DUSP12: variants seen among roughly 807,000 people sequenced by gnomAD.
DUSP12 encodes the protein dual specificity phosphatase 12.
Under a neutral mutation model 38.9 loss-of-function variants are expected in DUSP12, and 25 were observed. The observed-to-expected ratio is 0.64, with a 90% CI of 0.47 to 0.90. The LOEUF is 0.90. DUSP12 is among the 40% of genes least tolerant of loss of function. The pLI is 0.00. For missense variants in DUSP12, 403 were observed against 427.0 expected, an observed-to-expected ratio of 0.94 and a Z score of 0.50; for synonymous variants, 153 against 153.9, an observed-to-expected ratio of 0.99 and a Z score of 0.05.
chr1:161,752,324 G>C, intron 3 of DUSP12, 44 bp from the exon 4 acceptor site: 2 of 1,358,130 alleles, frequency 1.5e-6, no homozygotes, highest in Non-Finnish European at 2.1e-6. Flanking sequence ...TGAAAATGCA[G>C]AGTTGATTTT....
chr1:161,750,904 AACAGAGCG>A (rs1434676946), intron 1 of DUSP12, among the ~76,000 whole-genome samples: 1 of 152,046 alleles, frequency 6.6e-6, no homozygotes, highest in African/African-American at 2.4e-5. Context: ...CAGCCTGGGC[AACAGAGCG>A]AGACTCCATC....
intron 1 of DUSP12, among the ~76,000 whole-genome samples, chr1:161,750,556 TG>T (rs1684003019): frequency 2.6e-5 from 4 of 152,234 alleles, no homozygotes; most frequent in Admixed American, 2.6e-4. Flanking sequence ...TTGGGATGGG[TG>T]GCGGGTGGTT....
chr1:161,752,649 A>T (rs898847581), intron 4 of DUSP12, among the ~76,000 whole-genome samples, 185 bp downstream of exon 4: 1 of 152,182 alleles, frequency 6.6e-6, no homozygotes, highest in African/African-American at 2.4e-5. Context: ...GGTTATTGAA[A>T]ATTTAAGTAG....
rs1262749815 is a variant in DUSP12, at chr1:161,749,891, G to A, written c.90G>A (p.Val30=). The A allele has an allele frequency of 2.5e-6, 4 of 1,613,336 alleles. No individual in the cohort carries two copies. The highest frequency in any genetic ancestry group is 3.4e-6 in the Non-Finnish European group (4 of 1,179,694). Residue 30 remains valine (V), a synonymous_variant, in exon 1 of 6, where the codon GTG becomes GTA. Coordinates refer to ENST00000367943, the MANE Select transcript of DUSP12 (RefSeq NM_007240.3). ...GCTGTGCCGGGCAGATGCTGGAAGTGCAGCCAGGATTGTATTTCGGTGGGG... is the reference window on the plus strand; with the variant it reads ...GCTGTGCCGGGCAGATGCTGGAAGTACAGCCAGGATTGTATTTCGGTGGGG... The part of the protein sequence containing the change: ...RVSCAGQMLE[V]QPGLYFGGAA...
Position 161,757,106 on chromosome 1 carries a change from A to G in DUSP12, c.*159A>G, listed in dbSNP as rs897294303. 8.0e-6 allele frequency: 5 copies of G among 622,358 alleles called. No individual in the cohort carries two copies. Among genetic ancestry groups the G allele is most frequent in the Non-Finnish European group, 1.3e-5 (5 of 377,386 alleles). 38.6% of individuals were successfully genotyped at this position (622,358 alleles called of 1,614,324 possible). A position where few individuals can be genotyped will look rare whatever the true frequency, so the allele number is the denominator to read the frequency against. On this transcript the variant is annotated 3_prime_UTR_variant, in exon 6 of 6. Coordinates refer to ENST00000367943, the MANE Select transcript of DUSP12 (RefSeq NM_007240.3). ...CCTGGAAACTATGCTTTACATGGCA[A>G]TCAAAGCCTTTTGATCATGTACATT... is the stretch of plus-strand genomic sequence containing the variant.
chr1:161,749,993 C>T lies in DUSP12; in HGVS notation c.192C>T (p.Pro64=). Residue 64 remains proline, a synonymous_variant, in exon 1 of 6, where the codon CCC becomes CCT. Transcript: ENST00000367943. ...TGCTAACAGTGGACTCGGAGGAGCCCAGCTTCAAGGCGGGGCCTGGGGTCG... is the reference window on the plus strand; with the variant it reads ...TGCTAACAGTGGACTCGGAGGAGCCTAGCTTCAAGGCGGGGCCTGGGGTCG... ...TAVLTVDSEE[P]SFKAGPGVED... is the part of the protein sequence containing the mutation. 1 of 1,614,084 alleles carries T rather than the reference C, an allele frequency of 6.2e-7. No homozygotes were observed.
At chr1:161,750,969 T>A (rs561321460) in intron 1 of DUSP12, among the ~76,000 whole-genome samples, 1 of 152,252 alleles carries the variant, frequency 6.6e-6, no homozygotes, top group East Asian at 1.9e-4. Flanking sequence ...AGTTCTTGGT[T>A]GGATTGGAGT....
At chr1:161,752,526 G>A (rs924673240) in intron 4 of DUSP12, 62 bp downstream of exon 4, 3 of 1,113,372 alleles carry the variant, frequency 2.7e-6, no homozygotes, top group Admixed American at 4.5e-5. Context: ...AGTACTTAAT[G>A]TTTTATTTTC....
At chr1:161,750,808 C>T (rs1009761780) in intron 1 of DUSP12, among the ~76,000 whole-genome samples, 6 of 152,044 alleles carry the variant, frequency 3.9e-5, no homozygotes, top group African/African-American at 7.2e-5. Flanking sequence ...GCCTGTAGTC[C>T]CAGCTACTCG....
At chr1:161,756,483 CTATATATATATATATATATATATATATA>C (rs10527814) in intron 5 of DUSP12, among the ~76,000 whole-genome samples, 3 of 124,736 alleles carry the variant, frequency 2.4e-5, no homozygotes, top group Middle Eastern at 4.9e-3. Context: ...GATTTAAAAG[CTATATATATATATATATATATATATATA>C]TATATATATG....
Position 161,751,798 on chromosome 1 carries a change from T to C in DUSP12, c.458+17T>C, listed in dbSNP as rs1684023624. ...AGAGGCTAAGTGGGTTCTTTTTTTA[T>C]AGTAATAATTATGCTTTTGTGATAT... On this transcript the variant is annotated intron_variant, in intron 2 of 5. Coordinates refer to ENST00000367943, the MANE Select transcript of DUSP12 (RefSeq NM_007240.3). 2.5e-6 allele frequency: 4 copies of C among 1,600,952 alleles called. No individual in the cohort carries two copies. Among genetic ancestry groups the C allele is most frequent in the Non-Finnish European group, 3.4e-6 (4 of 1,176,150 alleles).
intron 5 of DUSP12, among the ~76,000 whole-genome samples, chr1:161,756,214 AC>A (rs1466842358): frequency 6.6e-6 from 1 of 152,174 alleles, no homozygotes; most frequent in Non-Finnish European, 1.5e-5. Context: ...AAAAACTCTT[AC>A]CTTATACCAT....
Position 161,752,422 on chromosome 1 carries a change from A to T in DUSP12, c.632A>T (p.Gln211Leu), listed in dbSNP as rs767681267. The T allele has an allele frequency of 5.6e-6, 9 of 1,612,934 alleles. No homozygotes were observed. The East Asian group carries it at 1.8e-4, about 32-fold the overall frequency. The change falls in exon 4 of 6, where the codon CAA becomes CTA. Residue 211 changes from glutamine to leucine, a missense_variant. Gln to Leu is a moderately radical substitution (Grantham distance 113). Coordinates refer to ENST00000367943, the MANE Select transcript of DUSP12 (RefSeq NM_007240.3). Reference sequence around the variant, plus strand: ...GCTGTTGACCCAACTACCGTTTCACAAGGATTGAAAGATGAGGTTCTCTAC... The same window carrying T: ...GCTGTTGACCCAACTACCGTTTCACTAGGATTGAAAGATGAGGTTCTCTAC... Reference protein sequence around the residue: ...LFAVDPTTVSQGLKDEVLYKC... With the variant: ...LFAVDPTTVSLGLKDEVLYKC...
intron 5 of DUSP12, among the ~76,000 whole-genome samples, chr1:161,755,462 T>C (rs1684094233): frequency 6.6e-6 from 1 of 152,202 alleles, no homozygotes; most frequent in South Asian, 2.1e-4. Context: ...TTTCAGTAAC[T>C]GAATGCATGT....
chr1:161,757,082 C>A lies in DUSP12; in HGVS notation c.*135C>A. The A allele has an allele frequency of 1.2e-6, 1 of 832,016 alleles. No individual in the cohort carries two copies. Among genetic ancestry groups the A allele is most frequent in the Non-Finnish European group, 1.8e-6 (1 of 553,908 alleles). 51.5% of individuals were successfully genotyped at this position (832,016 alleles called of 1,614,324 possible). A position where few individuals can be genotyped will look rare whatever the true frequency, so the allele number is the denominator to read the frequency against. The stretch of plus-strand genomic sequence containing the variant: ...AGAAGATAAAATCACTTGATGTAAC[C>A]TGGAAACTATGCTTTACATGGCAAT... On this transcript the variant is annotated 3_prime_UTR_variant, in exon 6 of 6. Coordinates refer to ENST00000367943, the MANE Select transcript of DUSP12 (RefSeq NM_007240.3).
Position 161,749,800 on chromosome 1 carries a change from C to G in DUSP12, c.-2C>G. 2 of 1,568,040 alleles carry G rather than the reference C, an allele frequency of 1.3e-6. No homozygotes were observed. The highest frequency in any genetic ancestry group is 8.6e-7 in the Non-Finnish European group (1 of 1,158,136). ...GAAGCCGCCTTGTCTCTGGGCGCGGCCATGTTGGAGGCTCCGGGCCCGAGT... is the reference window on the plus strand; with the variant it reads ...GAAGCCGCCTTGTCTCTGGGCGCGGGCATGTTGGAGGCTCCGGGCCCGAGT... On this transcript the variant is annotated 5_prime_UTR_variant, in exon 1 of 6. Coordinates refer to ENST00000367943, the MANE Select transcript of DUSP12 (RefSeq NM_007240.3).
intron 5 of DUSP12, among the ~76,000 whole-genome samples, chr1:161,754,344 A>C (rs1571101456): frequency 6.6e-6 from 1 of 152,190 alleles, no homozygotes; most frequent in Non-Finnish European, 1.5e-5. Context: ...TTTTAAAAAA[A>C]ACAGCCTTAT....
chr1:161,756,942 A>T lies in DUSP12; in HGVS notation c.1018A>T (p.Ile340Leu). Residue 340 changes from isoleucine (I) to leucine (L), a missense_variant, in exon 6 of 6, where the codon ATA (isoleucine) becomes TTA (leucine). Physicochemically the swap from Ile to Leu is conservative, Grantham distance 5 (BLOSUM62 2). Coordinates refer to ENST00000367943, the MANE Select transcript of DUSP12 (RefSeq NM_007240.3). ...LPVLGSQTGKI is the reference protein window; with the variant it reads ...LPVLGSQTGKL The stretch of plus-strand genomic sequence containing the variant: ...TGTTTTGGGATCACAAACAGGAAAA[A>T]TATGAACATGATATTTTATAGCTTG... The T allele has an allele frequency of 6.2e-7, 1 of 1,612,206 alleles. No homozygotes were observed. The highest frequency in any genetic ancestry group is 8.5e-7 in the Non-Finnish European group (1 of 1,178,668).
chr1:161,749,794 G>A lies in DUSP12; in HGVS notation c.-8G>A. 3 of 1,561,932 alleles carry A rather than the reference G, an allele frequency of 1.9e-6. No homozygotes were observed. The highest frequency in any genetic ancestry group is 1.2e-5 in the South Asian group (1 of 85,448). On this transcript the variant is annotated 5_prime_UTR_variant, in exon 1 of 6. Transcript: ENST00000367943. Reference sequence around the variant, plus strand: ...GGGCAGGAAGCCGCCTTGTCTCTGGGCGCGGCCATGTTGGAGGCTCCGGGC... The same window carrying A: ...GGGCAGGAAGCCGCCTTGTCTCTGGACGCGGCCATGTTGGAGGCTCCGGGC...
Sources: gnomAD v4.1 joint callset for allele counts (sites outside exome capture counted in the v4.1 genomes callset) on GRCh38, gnomAD v4.1.1 for gene constraint, MANE v1.5 for transcripts, NCBI Gene and HGNC (gene_info 2026-07-23, HGNC 2026-07-21) for gene names.